EGFR: variants seen among roughly 807,000 people sequenced by gnomAD.
The protein encoded by EGFR is epidermal growth factor receptor.
Under a neutral mutation model 143.0 loss-of-function variants are expected in EGFR, and 58 were observed. That is an observed-to-expected ratio of 0.41 (90% CI 0.33 to 0.50). EGFR has a LOEUF of 0.50. Among genes scored for constraint, EGFR ranks in the 20% least tolerant of loss-of-function variants. The pLI is 0.39. For synonymous variants in EGFR, 613 were observed against 594.4 expected (o/e 1.03, Z -0.45); for missense variants, 1,307 against 1,579.0 (o/e 0.83, Z 2.92).
intron 1 of EGFR, among the ~76,000 whole-genome samples, chr7:55,084,687 T>C (rs1790654951): frequency 6.6e-6 from 1 of 152,212 alleles, no homozygotes; most frequent in Non-Finnish European, 1.5e-5. Context: ...GGGAAGACAC[T>C]TGAGAAAAGT....
Position 55,168,471 on chromosome 7 carries a change from A to T in EGFR, c.1881-2704A>T, listed in dbSNP as rs998607674. On this transcript the variant is annotated intron_variant, in intron 15 of 27. Coordinates refer to ENST00000275493, the MANE Select transcript of EGFR (RefSeq NM_005228.5). Reference sequence around the variant, plus strand: ...GAAAGAGGGGATTTAGTCAAGATTTAAATTAAAAATGTTAGTGGTCATTTT... The same window carrying T: ...GAAAGAGGGGATTTAGTCAAGATTTTAATTAAAAATGTTAGTGGTCATTTT... 13 of 1,068,564 alleles carry T rather than the reference A, an allele frequency of 1.2e-5. No homozygotes were observed. The Admixed American group carries it at 2.2e-4, about 18-fold the overall frequency. The allele number at this position is 1,068,564 out of a possible 1,614,324, so 66.2% of individuals were successfully genotyped here.
At chr7:55,024,144 G>T (rs931521313) in intron 1 of EGFR, among the ~76,000 whole-genome samples, 1 of 152,226 alleles carries the variant, frequency 6.6e-6, no homozygotes, top group African/African-American at 2.4e-5. Context: ...TGAGCCAGCT[G>T]GGAGCAGGAG....
chr7:55,066,406 G>A (rs557643438), intron 1 of EGFR, among the ~76,000 whole-genome samples: 3 of 150,090 alleles, frequency 2.0e-5, no homozygotes, highest in Non-Finnish European at 4.4e-5. Context: ...TGCAAGCAGA[G>A]GCGACAGGGC....
intron 1 of EGFR, among the ~76,000 whole-genome samples, chr7:55,095,875 C>T (rs868814100): frequency 2.6e-4 from 39 of 151,514 alleles, no homozygotes; most frequent in Non-Finnish European, 3.4e-4. Context: ...ACCTACAACA[C>T]ACAGAGATAC....
chr7:55,151,484 T>G, intron 5 of EGFR, 122 bp downstream of exon 5: 1 of 1,016,112 alleles, frequency 9.8e-7, no homozygotes, highest in Non-Finnish European at 1.5e-6. Flanking sequence ...CAGGGTCAGA[T>G]GTGAACCAGT....
chr7:55,101,532 A>G (rs1400835568), intron 1 of EGFR, among the ~76,000 whole-genome samples: 1 of 152,142 alleles, frequency 6.6e-6, no homozygotes, highest in African/African-American at 2.4e-5. Flanking sequence ...GCCAGCCTGC[A>G]TACTTCCTTT....
At chr7:55,141,000 A>G (rs1280647175) in intron 1 of EGFR, among the ~76,000 whole-genome samples, 1 of 152,252 alleles carries the variant, frequency 6.6e-6, no homozygotes, top group African/African-American at 2.4e-5. Flanking sequence ...ATGGGGAAGG[A>G]ACAAAGAAGC....
At chr7:55,197,712 T>C (rs1271178033) in intron 22 of EGFR, among the ~76,000 whole-genome samples, 2 of 152,210 alleles carry the variant, frequency 1.3e-5, no homozygotes, top group Admixed American at 6.5e-5. Flanking sequence ...ATTTTAAACA[T>C]GTTGAATTTT....
At chr7:55,158,394 C>CTTGA (rs1785532910) in intron 11 of EGFR, among the ~76,000 whole-genome samples, 1 of 152,192 alleles carries the variant, frequency 6.6e-6, no homozygotes, top group African/African-American at 2.4e-5. Flanking sequence ...GCTGCCCCTA[C>CTTGA]TTGACTCTTA....
At chr7:55,057,504 A>G (rs2128877281) in intron 1 of EGFR, among the ~76,000 whole-genome samples, 1 of 152,306 alleles carries the variant, frequency 6.6e-6, no homozygotes, top group East Asian at 1.9e-4. Flanking sequence ...ACTTCAAGAA[A>G]CCTAAGACTT....
At chr7:55,177,155 T>TGTTACCTGAAGC (rs1786635255) in intron 19 of EGFR, among the ~76,000 whole-genome samples, 1 of 151,754 alleles carries the variant, frequency 6.6e-6, no homozygotes, top group South Asian at 2.1e-4. Context: ...AAGCCTGGAG[T>TGTTACCTGAAGC]GTTCCCTGAA....
intron 1 of EGFR, among the ~76,000 whole-genome samples, chr7:55,060,057 G>A (rs1360592974): frequency 1.3e-5 from 2 of 152,206 alleles, no homozygotes; most frequent in Non-Finnish European, 2.9e-5. Context: ...GTTATGCCAC[G>A]TGGGGAAAAC....
At chr7:55,074,021 G>A (rs78668659) in intron 1 of EGFR, among the ~76,000 whole-genome samples, 157 of 152,308 alleles carry the variant, frequency 1.0e-3, no homozygotes, top group Middle Eastern at 6.8e-3. Context: ...TGGAGAGGGC[G>A]AGGCCCATGG....
chr7:55,117,534 A>G (rs1792937449), intron 1 of EGFR, among the ~76,000 whole-genome samples: 1 of 152,164 alleles, frequency 6.6e-6, no homozygotes, highest in Non-Finnish European at 1.5e-5. Flanking sequence ...AGCTGGGGCA[A>G]CCCTGGAGGA....
At chr7:55,174,180 A>G (rs1786487593) in intron 18 of EGFR, 137 bp downstream of exon 18, 4 of 1,293,548 alleles carry the variant, frequency 3.1e-6, no homozygotes. Flanking sequence ...GGGAAACTCC[A>G]GTGTTTTTCC....
At position 55,151,334 on chromosome 7, in the gene EGFR, G is replaced by T. The variant is rs2128932571; in HGVS notation, c.600G>T (p.Trp200Cys). Residue 200 changes from tryptophan (W) to cysteine (C), a missense_variant, in exon 5 of 28, where the codon TGG (tryptophan) becomes TGT (cysteine). Physicochemically the swap from Trp to Cys is radical, Grantham distance 215. Coordinates refer to ENST00000275493, the MANE Select transcript of EGFR (RefSeq NM_005228.5). ...CDPSCPNGSC[W>C]GAGEENCQKL... ...CAAGCTGTCCCAATGGGAGCTGCTG[G>T]GGTGCAGGAGAGGAGAACTGCCAGA... 1 of 1,614,216 alleles carries T rather than the reference G, an allele frequency of 6.2e-7. No individual in the cohort carries two copies. The highest frequency in any genetic ancestry group is 8.5e-7 in the Non-Finnish European group (1 of 1,180,040).
At chr7:55,030,882 G>T (rs899019453) in intron 1 of EGFR, among the ~76,000 whole-genome samples, 2 of 152,212 alleles carry the variant, frequency 1.3e-5, no homozygotes, top group African/African-American at 2.4e-5. Context: ...TCACTTGGAG[G>T]CACTTTCTGG....
In EGFR at chr7:55,142,409, A is replaced by C. The variant is rs369580836; in HGVS notation, c.212A>C (p.Gln71Pro). 1 of 1,614,214 alleles carries C rather than the reference A, an allele frequency of 6.2e-7. No homozygotes were observed. Among genetic ancestry groups the C allele is most frequent in the African/African-American group, 1.3e-5 (1 of 75,062 alleles). Residue 71 changes from glutamine to proline, a missense_variant, in exon 2 of 28, where the codon CAG (glutamine) becomes CCG (proline). This residue lies in a region of EGFR where 311 missense variants were observed against 412.3 expected (regional missense o/e 0.75). Coordinates refer to ENST00000275493, the MANE Select transcript of EGFR (RefSeq NM_005228.5). ...GGGAATTTGGAAATTACCTATGTGC[A>C]GAGGAATTATGATCTTTCCTTCTTA... is the stretch of plus-strand genomic sequence containing the variant. ...VLGNLEITYV[Q>P]RNYDLSFLKT...
chr7:55,070,978 C>T (rs1789788610), intron 1 of EGFR, among the ~76,000 whole-genome samples: 3 of 152,212 alleles, frequency 2.0e-5, no homozygotes, highest in Non-Finnish European at 4.4e-5. Flanking sequence ...ATACACATCC[C>T]ACCGGCTGTT....
Sources: gnomAD v4.1 joint callset for allele counts (sites outside exome capture counted in the v4.1 genomes callset) on GRCh38, gnomAD v4.1.1 for gene constraint, gnomAD v4.1.1 regional missense constraint, MANE v1.5 for transcripts, NCBI Gene and HGNC (gene_info 2026-07-23, HGNC 2026-07-21) for gene names.